The following APBB2 variants were observed in gnomAD, a reference collection of about 807,000 sequenced individuals.
The protein encoded by APBB2 is amyloid beta precursor protein binding family B member 2.
APBB2 carries 38 observed loss-of-function variants against 82.5 expected under a neutral mutation model. The observed-to-expected ratio is 0.46, with a 90% CI of 0.36 to 0.60. The LOEUF (loss-of-function observed/expected upper bound fraction) is 0.60, where lower values mean the gene tolerates loss of function less well. APBB2 is among the 20% of genes least tolerant of loss of function. The pLI, the probability that APBB2 is intolerant of heterozygous loss-of-function variation, is 0.00. For synonymous variants in APBB2, 341 were observed against 368.2 expected, an observed-to-expected ratio of 0.93 and a Z score of 0.85; for missense variants, 772 against 972.3, an observed-to-expected ratio of 0.79 and a Z score of 2.74.
intron 12 of APBB2, among the ~76,000 whole-genome samples, chr4:40,852,924 A>G (rs1254625482): frequency 6.6e-6 from 1 of 152,132 alleles, no homozygotes; most frequent in Non-Finnish European, 1.5e-5. Flanking sequence ...GGATTACAGC[A>G]TGAGCCACCG....
At chr4:40,821,596 A>G (rs1370056895) in intron 17 of APBB2, among the ~76,000 whole-genome samples, 1 of 152,210 alleles carries the variant, frequency 6.6e-6, no homozygotes, top group African/African-American at 2.4e-5. Context: ...CATGAAATTG[A>G]TTTGGGATCA....
intron 6 of APBB2, among the ~76,000 whole-genome samples, chr4:40,965,494 G>T (rs1450142921): frequency 6.6e-6 from 1 of 152,162 alleles, no homozygotes; most frequent in Non-Finnish European, 1.5e-5. Context: ...CATATTAAAC[G>T]TGTCTAGTCC....
chr4:40,824,362 CCA>C (rs950777380), intron 15 of APBB2, among the ~76,000 whole-genome samples: 2 of 152,108 alleles, frequency 1.3e-5, no homozygotes, highest in Admixed American at 1.3e-4. Context: ...CCAGCTGTTT[CCA>C]CAGTTTTTCT....
chr4:40,864,238 G>C (rs1763498255), intron 12 of APBB2, among the ~76,000 whole-genome samples: 1 of 146,198 alleles, frequency 6.8e-6, no homozygotes, highest in Non-Finnish European at 1.5e-5. Flanking sequence ...TGGCGACAGA[G>C]TGAGACTCCG....
chr4:40,949,492 A>C (rs1305449987), intron 6 of APBB2, among the ~76,000 whole-genome samples: 6 of 152,192 alleles, frequency 3.9e-5, no homozygotes, highest in African/African-American at 1.2e-4. Flanking sequence ...CAAGTTATCG[A>C]AATACCAAGC....
At chr4:40,934,322 G>C in intron 10 of APBB2, 134 bp downstream of exon 10, 1 of 858,582 alleles carries the variant, frequency 1.2e-6, no homozygotes, top group East Asian at 2.5e-5. Flanking sequence ...GGGAGATTAG[G>C]AAAGAGAAAA....
intron 12 of APBB2, among the ~76,000 whole-genome samples, chr4:40,873,472 C>T (rs960198238): frequency 1.3e-5 from 2 of 152,186 alleles, no homozygotes; most frequent in East Asian, 1.9e-4. Context: ...TTAAGCTCAA[C>T]GCTGTACAGA....
intron 12 of APBB2, among the ~76,000 whole-genome samples, chr4:40,871,846 C>T (rs1240773683): frequency 6.6e-6 from 1 of 152,174 alleles, no homozygotes; most frequent in Non-Finnish European, 1.5e-5. Flanking sequence ...ACAAGGAAAT[C>T]TAAGATATGG....
In APBB2 at chr4:40,825,974, C is replaced by A. The variant is rs1345479343; in HGVS notation, c.1733-4G>T. On this transcript the variant is annotated splice_region_variant and splice_polypyrimidine_tract_variant and intron_variant, in intron 14 of 17. Coordinates refer to ENST00000508593, the MANE Select transcript of APBB2 (RefSeq NM_004307.2). ...GTCTTTGGTGTTGGAAAATCTACTA[C>A]AGGGAACAAAAGCAACACATCTTTC... The A allele has an allele frequency of 4.3e-6, 7 of 1,612,894 alleles. No individual in the cohort carries two copies. The Admixed American group carries it at 1.2e-4, about 27-fold the overall frequency.
intron 6 of APBB2, among the ~76,000 whole-genome samples, chr4:40,972,439 A>T (rs11440318): frequency 0.35 from 51,365 of 148,534 alleles, 9,347 homozygotes; most frequent in East Asian, 0.57. Context: ...AAAAAAAAAA[A>T]AATAATAATA....
At chr4:41,020,293 T>G (rs1284453224) in intron 5 of APBB2, among the ~76,000 whole-genome samples, 10 of 152,178 alleles carry the variant, frequency 6.6e-5, no homozygotes, top group Admixed American at 5.9e-4. Flanking sequence ...GATCTAAATC[T>G]TAACTAATTA....
At chr4:41,211,296 T>C (rs753271647) in intron 1 of APBB2, among the ~76,000 whole-genome samples, 6 of 151,736 alleles carry the variant, frequency 4.0e-5, no homozygotes, top group Non-Finnish European at 7.4e-5. Flanking sequence ...ACTGAACAAA[T>C]GCTGGTTTCC....
intron 7 of APBB2, among the ~76,000 whole-genome samples, chr4:40,936,309 T>C (rs954899330): frequency 5.9e-5 from 9 of 152,234 alleles, no homozygotes; most frequent in Non-Finnish European, 1.0e-4. Context: ...TGGAGTGCAG[T>C]GGCCCAATCA....
At chr4:40,883,921 A>C (rs930231125) in intron 12 of APBB2, among the ~76,000 whole-genome samples, 21 of 152,220 alleles carry the variant, frequency 1.4e-4, no homozygotes, top group African/African-American at 4.6e-4. Context: ...GGACCCACAA[A>C]AACGAGGCTC....
intron 2 of APBB2, among the ~76,000 whole-genome samples, chr4:41,116,902 T>C (rs1751167991): frequency 6.6e-6 from 1 of 152,128 alleles, no homozygotes; most frequent in South Asian, 2.1e-4. Flanking sequence ...TTACATTGGG[T>C]GATTTTCTTT....
At chr4:41,059,981 C>CA (rs5857772) in intron 4 of APBB2, among the ~76,000 whole-genome samples, 28,004 of 145,266 alleles carry the variant, frequency 0.19, 3,426 homozygotes, top group East Asian at 0.44. Flanking sequence ...AACTCCGTCT[C>CA]AAAAAAAAAT....
chr4:41,024,524 G>A (rs1713148351), intron 5 of APBB2, among the ~76,000 whole-genome samples: 1 of 152,140 alleles, frequency 6.6e-6, no homozygotes, highest in Admixed American at 6.5e-5. Flanking sequence ...TCTATATTAG[G>A]GTGACTCATT....
At chr4:40,927,309 G>C (rs1782861142) in intron 10 of APBB2, among the ~76,000 whole-genome samples, 2 of 152,108 alleles carry the variant, frequency 1.3e-5, no homozygotes, top group African/African-American at 4.8e-5. Flanking sequence ...GAGACAGCAG[G>C]ATGGAGCGGT....
At chr4:40,880,650 A>T in intron 12 of APBB2, 1 of 985,422 alleles carries the variant, frequency 1.0e-6, no homozygotes, top group Non-Finnish European at 1.2e-6. Context: ...TTGAGGATGG[A>T]CACAGAGAAT....
Sources: allele counts gnomAD v4.1 joint callset (sites outside exome capture counted in the v4.1 genomes callset), GRCh38; gene constraint gnomAD v4.1.1; transcripts MANE v1.5; gene names NCBI Gene and HGNC (gene_info 2026-07-23, HGNC 2026-07-21).